Variants in LRRK1 observed in about 807,000 individuals in gnomAD.
LRRK1 encodes leucine rich repeat kinase 1.
In LRRK1, 113 loss-of-function variants were observed where a neutral mutation model predicts 209.1. The observed-to-expected ratio is 0.54, with a 90% CI of 0.46 to 0.63. The LOEUF (loss-of-function observed/expected upper bound fraction) is 0.63. LRRK1 is among the 30% of genes least tolerant of loss of function. The pLI is 0.00. For missense variants in LRRK1, 2,284 were observed against 2,632.2 expected (o/e 0.87, Z 2.89); for synonymous variants, 1,144 against 1,099.7 (o/e 1.04, Z -0.80).
In LRRK1 at chr15:101,046,136, C is replaced by A; in HGVS notation, c.3119C>A (p.Ala1040Glu). 1.2e-6 allele frequency: 2 copies of A among 1,614,084 alleles called. No individual in the cohort carries two copies. The highest frequency in any genetic ancestry group is 4.5e-5 in the East Asian group (2 of 44,900). Residue 1040 changes from alanine to glutamate, a missense_variant, in exon 21 of 34, where the codon GCG becomes GAG. Physicochemically the swap from Ala to Glu is moderately radical, Grantham distance 107 (BLOSUM62 -1). Around this residue, in one of 6 missense-constraint regions of LRRK1, gnomAD observed 780 missense variants for 985.2 expected, o/e 0.79. Coordinates refer to ENST00000388948, the MANE Select transcript of LRRK1 (RefSeq NM_024652.6). ...RFIARMLISL[A>E]EMDLQLFENK... is the part of the protein sequence containing the mutation. The stretch of plus-strand genomic sequence containing the variant: ...ATAGCACGGATGCTGATCAGCCTGG[C>A]GGAGATGGACCTGCAGGTATTATGG...
In LRRK1 at chr15:101,058,051, A is replaced by G. The variant is rs2035916292; in HGVS notation, c.4589A>G (p.Tyr1530Cys). Reference sequence around the variant, plus strand: ...GACCCGACTTTTGCCACCTTCATGTATGAACTGTGCTGTGGGAAGCAGACA... The same window carrying G: ...GACCCGACTTTTGCCACCTTCATGTGTGAACTGTGCTGTGGGAAGCAGACA... ...MKDPTFATFMYELCCGKQTAF... is the reference protein window; with the variant it reads ...MKDPTFATFMCELCCGKQTAF... The change falls in exon 29 of 34, where the codon TAT becomes TGT. Residue 1530 changes from tyrosine to cysteine, a missense_variant. By Grantham distance (194) the Tyr-to-Cys change is radical. Coordinates refer to ENST00000388948, the MANE Select transcript of LRRK1 (RefSeq NM_024652.6). 1.2e-6 allele frequency: 2 copies of G among 1,614,144 alleles called. No homozygotes were observed. Among genetic ancestry groups the G allele is most frequent in the Non-Finnish European group, 1.7e-6 (2 of 1,180,018 alleles).
intron 2 of LRRK1, among the ~76,000 whole-genome samples, chr15:100,964,147 C>A (rs1382454813): frequency 6.6e-6 from 1 of 152,174 alleles, no homozygotes; most frequent in Non-Finnish European, 1.5e-5. Flanking sequence ...GCTTTCCTGT[C>A]TGATGCGGGT....
chr15:100,945,008 T>C (rs1217500173), intron 2 of LRRK1, among the ~76,000 whole-genome samples: 2 of 152,230 alleles, frequency 1.3e-5, no homozygotes, highest in South Asian at 2.1e-4. Context: ...ATTAAGGGTG[T>C]CATTGGCCTC....
At chr15:100,992,985 G>A (rs1243784021) in intron 6 of LRRK1, among the ~76,000 whole-genome samples, 1 of 152,124 alleles carries the variant, frequency 6.6e-6, no homozygotes, top group Non-Finnish European at 1.5e-5. Flanking sequence ...TGAGAGTTTT[G>A]TTGATGGTGT....
intron 1 of LRRK1, among the ~76,000 whole-genome samples, chr15:100,922,555 G>T (rs1160316362): frequency 6.6e-6 from 1 of 152,120 alleles, no homozygotes. Flanking sequence ...TAGCTGTTTT[G>T]GAGAGGTGTC....
chr15:100,943,348 G>A (rs1238863176), intron 2 of LRRK1, among the ~76,000 whole-genome samples: 1 of 152,152 alleles, frequency 6.6e-6, no homozygotes, highest in Non-Finnish European at 1.5e-5. Context: ...TCTGTAAGCA[G>A]AGCTAATACT....
In LRRK1 at chr15:100,919,564, C is replaced by G. The variant is rs570088357; in HGVS notation, c.-123+113C>G. 1 of 147,758 alleles carries G rather than the reference C, an allele frequency of 6.8e-6. No individual in the cohort carries two copies. Among genetic ancestry groups the G allele is most frequent in the Admixed American group, 6.7e-5 (1 of 14,880 alleles). The allele number at this position is 147,758 out of a possible 1,614,324, so 9.2% of individuals were successfully genotyped here. On this transcript the variant is annotated intron_variant, in intron 1 of 33. Transcript: ENST00000388948. This position sits in a 1 kb window ranked among gnomAD's most constrained non-coding sequence, Gnocchi z 5.8. ...CGGGGAGCCTCGGCCTCTGCCTGCC[C>G]GCGGGCCCCTGCGCTCCGGGCGGCC...
chr15:100,931,665 G>T (rs552934487), intron 2 of LRRK1, among the ~76,000 whole-genome samples: 2 of 152,262 alleles, frequency 1.3e-5, no homozygotes, highest in East Asian at 3.9e-4. Flanking sequence ...CCAGGGCAGG[G>T]CTCCTCCAGT....
At chr15:100,972,967 AG>A in intron 2 of LRRK1, among the ~76,000 whole-genome samples, 1 of 151,972 alleles carries the variant, frequency 6.6e-6, no homozygotes, top group South Asian at 2.1e-4. Context: ...TAGGGTGTTC[AG>A]GGAACTTCGG....
chr15:100,985,300 C>G (rs1402521274), intron 4 of LRRK1, among the ~76,000 whole-genome samples: 1 of 152,218 alleles, frequency 6.6e-6, no homozygotes, highest in Non-Finnish European at 1.5e-5. Flanking sequence ...AAGATTAGCT[C>G]TGTTCTAGCC....
chr15:100,986,180 T>C (rs76762193), intron 4 of LRRK1, among the ~76,000 whole-genome samples: 1 of 152,250 alleles, frequency 6.6e-6, no homozygotes, highest in African/African-American at 2.4e-5. Context: ...CACTCCAGGC[T>C]GAGATAGAAG....
intron 9 of LRRK1, 130 bp downstream of exon 9, chr15:101,010,967 C>G (rs2033206691): frequency 2.7e-6 from 2 of 753,830 alleles, no homozygotes; most frequent in Admixed American, 6.2e-5. Context: ...GCCCGGTTCC[C>G]ACATTGTAAG....
rs2036885213 is a variant in LRRK1, at chr15:101,073,737, G to T, written c.*4889G>T. 1 of 149,186 alleles carries T rather than the reference G, an allele frequency of 6.7e-6. No individual in the cohort carries two copies. Among genetic ancestry groups the T allele is most frequent in the East Asian group, 2.0e-4 (1 of 4,982 alleles). The allele number at this position is 149,186 out of a possible 1,614,324, so 9.2% of individuals were successfully genotyped here. ...ACTTTTCTGGAGAGTAAGAACCCCT[G>T]AACCGCTTCTCTCCGTGTCTCTACT... is the stretch of plus-strand genomic sequence containing the variant. On this transcript the variant is annotated 3_prime_UTR_variant, in exon 34 of 34. Coordinates refer to ENST00000388948, the MANE Select transcript of LRRK1 (RefSeq NM_024652.6).
chr15:100,947,688 G>A (rs1388805265), intron 2 of LRRK1, among the ~76,000 whole-genome samples: 1 of 152,172 alleles, frequency 6.6e-6, no homozygotes, highest in East Asian at 1.9e-4. Context: ...TGTCAGCATT[G>A]CAGAGACTAA....
At chr15:101,052,626 G>A (rs11630470) in intron 24 of LRRK1, among the ~76,000 whole-genome samples, 40,522 of 151,946 alleles carry the variant, frequency 0.27, 6,096 homozygotes, top group Middle Eastern at 0.37. Flanking sequence ...TTCCAAAGGG[G>A]TCCTTTCTCT....
intron 6 of LRRK1, among the ~76,000 whole-genome samples, chr15:100,992,648 T>G (rs556257928): frequency 6.6e-6 from 1 of 150,818 alleles, no homozygotes; most frequent in Non-Finnish European, 1.5e-5. Flanking sequence ...TGGTTGTTTT[T>G]GGGGTTTTGT....
intron 2 of LRRK1, among the ~76,000 whole-genome samples, chr15:100,945,482 CTTTTTTTTTTTTTTTTTT>C (rs34038990): frequency 3.1e-5 from 2 of 63,572 alleles, no homozygotes; most frequent in African/African-American, 6.5e-5. Flanking sequence ...TGCAGAGCCT[CTTTTTTTTTTTTTTTTTT>C]TTTTTTTTTT....
At chr15:101,025,058 A>G in intron 16 of LRRK1, 91 bp downstream of exon 16, 1 of 1,303,046 alleles carries the variant, frequency 7.7e-7, no homozygotes, top group Non-Finnish European at 1.0e-6. Flanking sequence ...TACTGAGAAA[A>G]AAAGGGGGTT....
intron 30 of LRRK1, chr15:101,062,284 A>C (rs1567284784): frequency 9.3e-6 from 3 of 323,882 alleles, no homozygotes. Flanking sequence ...TGCACACACA[A>C]ATACCACAGA....
Sources: gnomAD v4.1 joint callset for allele counts (sites outside exome capture counted in the v4.1 genomes callset) on GRCh38, gnomAD v4.1.1 for gene constraint, gnomAD v4.1.1 regional missense constraint, Gnocchi (gnomAD v3.1) non-coding constraint, MANE v1.5 for transcripts, NCBI Gene and HGNC (gene_info 2026-07-23, HGNC 2026-07-21) for gene names.